Variants in AKT3 observed in about 807,000 individuals in gnomAD.
AKT3 encodes the protein AKT serine/threonine kinase 3.
In AKT3, 15 loss-of-function variants were observed where a neutral mutation model predicts 65.3. That is an observed-to-expected ratio of 0.23 (90% CI 0.15 to 0.35). The LOEUF (loss-of-function observed/expected upper bound fraction) is 0.35, where lower values mean the gene tolerates loss of function less well. Ranked by LOEUF, AKT3 falls within the 10% of genes least tolerant of loss-of-function variation. The probability of loss-of-function intolerance (pLI) is 1.00; values close to 1 mark genes in which losing one functional copy is unlikely to be tolerated. For missense variants in AKT3, 243 were observed against 576.5 expected, an observed-to-expected ratio of 0.42 and a Z score of 5.92; for synonymous variants, 206 against 183.8, an observed-to-expected ratio of 1.12 and a Z score of -0.98.
chr1:243,558,312 A>G (rs1220091363), intron 10 of AKT3, among the ~76,000 whole-genome samples: 3 of 152,026 alleles, frequency 2.0e-5, no homozygotes, highest in Non-Finnish European at 4.4e-5. Context: ...CATGTGTACT[A>G]TGAGCTAACA....
In AKT3 at chr1:243,649,325, G is replaced by A. The variant is rs879674066; in HGVS notation, c.285-3288C>T. ...ATGTTATGTGTATATGTGTGTGTGT[G>A]TGTGTGTGTGTGTGTGTGTGTGTGT... On this transcript the variant is annotated intron_variant, in intron 4 of 13. Transcript: ENST00000673466. 5.6e-3 allele frequency among the ~76,000 whole-genome samples: 802 copies of A among 142,002 alleles called. 6 individuals are homozygous for A. The highest frequency in any genetic ancestry group is 9.6e-3 in the East Asian group (48 of 4,994). 93.2% of individuals were successfully genotyped at this position (142,002 alleles called of 152,430 possible).
intron 8 of AKT3, among the ~76,000 whole-genome samples, chr1:243,593,720 T>C (rs1676399390): frequency 6.6e-6 from 1 of 152,130 alleles, no homozygotes; most frequent in Non-Finnish European, 1.5e-5. Flanking sequence ...ATCACCTCAA[T>C]GGAGGCACAA....
At chr1:243,672,384 A>C (rs1234056112) in intron 3 of AKT3, among the ~76,000 whole-genome samples, 1 of 152,232 alleles carries the variant, frequency 6.6e-6, no homozygotes, top group Non-Finnish European at 1.5e-5. Context: ...CTGCAGACTC[A>C]CATCAATCCA....
At chr1:243,739,668 CT>C (rs1451785754) in intron 2 of AKT3, 2 of 152,266 alleles carry the variant, frequency 1.3e-5, no homozygotes, top group Middle Eastern at 3.4e-3. Context: ...TTTAAAGCCC[CT>C]CAACCACGTC....
intron 8 of AKT3, among the ~76,000 whole-genome samples, chr1:243,574,593 T>C (rs1319711480): frequency 6.6e-6 from 1 of 152,150 alleles, no homozygotes; most frequent in Non-Finnish European, 1.5e-5. Context: ...AATAATCAAA[T>C]ACAGTATGTG....
chr1:243,501,951 A>C lies in AKT3; in HGVS notation c.*3298T>G, dbSNP rs188429522. 1.3e-5 allele frequency: 3 copies of C among 232,784 alleles called. No individual in the cohort carries two copies. Among genetic ancestry groups the C allele is most frequent in the Admixed American group, 5.6e-5 (1 of 17,792 alleles). 14.4% of individuals were successfully genotyped at this position (232,784 alleles called of 1,614,324 possible). A position where few individuals can be genotyped will look rare whatever the true frequency, so the allele number is the denominator to read the frequency against. On this transcript the variant is annotated 3_prime_UTR_variant, in exon 14 of 14. Transcript: ENST00000673466. ...GTTTAGTATGACCAACAGTAATAGT[A>C]ATACAGTTTCTTGGGTTTATAGTTG...
At chr1:243,625,974 TGCCAAG>T (rs1419835858) in intron 6 of AKT3, among the ~76,000 whole-genome samples, 1 of 152,198 alleles carries the variant, frequency 6.6e-6, no homozygotes, top group Non-Finnish European at 1.5e-5. Context: ...CTCCTTTAAA[TGCCAAG>T]TGGCACTCCT....
chr1:243,577,571 AAC>A (rs1283765882), intron 8 of AKT3, among the ~76,000 whole-genome samples: 6 of 152,204 alleles, frequency 3.9e-5, no homozygotes, highest in East Asian at 3.8e-4. Context: ...ACAAATGTAA[AAC>A]CCCAAACTAT....
At position 243,541,173 on chromosome 1, in the gene AKT3, C is replaced by T. The variant is rs529542455; in HGVS notation, c.1251+4337G>A. On this transcript the variant is annotated intron_variant, in intron 12 of 13. Transcript: ENST00000673466. ...GTGAATTCTGAATGAGCAATTTTCA[C>T]TCTGGAGTTCTAATGGTGATTTGAT... Among the ~76,000 whole-genome samples, 13 of 152,276 alleles carry T rather than the reference C, an allele frequency of 8.5e-5. No individual in the cohort carries two copies. The South Asian group carries it at 2.7e-3, about 32-fold the overall frequency.
At chr1:243,698,624 G>A (rs1331741268) in intron 2 of AKT3, among the ~76,000 whole-genome samples, 8 of 151,816 alleles carry the variant, frequency 5.3e-5, no homozygotes, top group Admixed American at 1.3e-4. Context: ...TCCTTCAAAC[G>A]TAATACAGTA....
chr1:243,671,412 A>C (rs945026039), intron 3 of AKT3, among the ~76,000 whole-genome samples: 1 of 152,210 alleles, frequency 6.6e-6, no homozygotes, highest in Non-Finnish European at 1.5e-5. Context: ...ACATAATGAA[A>C]TAATGCTGGC....
chr1:243,502,169 TA>T lies in AKT3; in HGVS notation c.*3079del, dbSNP rs1335222125. 1 of 231,592 alleles carries T rather than the reference TA, an allele frequency of 4.3e-6. No individual in the cohort carries two copies. The highest frequency in any genetic ancestry group is 2.2e-5 in the African/African-American group (1 of 45,254). 14.3% of individuals were successfully genotyped at this position (231,592 alleles called of 1,614,324 possible). A position where few individuals can be genotyped will look rare whatever the true frequency, so the allele number is the denominator to read the frequency against. Reference sequence around the variant, plus strand: ...CTGTAATGCACTACCAGGAGCAAGATAAGGAAATTCTACTGTAGACAGTACA... The same window carrying T: ...CTGTAATGCACTACCAGGAGCAAGATAGGAAATTCTACTGTAGACAGTACA... On this transcript the variant is annotated 3_prime_UTR_variant, in exon 14 of 14. Transcript: ENST00000673466.
chr1:243,679,337 T>C (rs1683756778), intron 3 of AKT3, among the ~76,000 whole-genome samples: 1 of 152,220 alleles, frequency 6.6e-6, no homozygotes, highest in African/African-American at 2.4e-5. Context: ...TCAACTGTAT[T>C]TCACTTTCTA....
intron 2 of AKT3, among the ~76,000 whole-genome samples, chr1:243,734,644 A>C (rs1336272176): frequency 6.6e-6 from 1 of 152,202 alleles, no homozygotes; most frequent in Non-Finnish European, 1.5e-5. Flanking sequence ...CTGGTGAGTG[A>C]ATATGAAGGT....
intron 2 of AKT3, among the ~76,000 whole-genome samples, chr1:243,784,412 G>C (rs1691115495): frequency 6.6e-6 from 1 of 151,748 alleles, no homozygotes; most frequent in Admixed American, 6.6e-5. Context: ...TATAAAATTG[G>C]GGGAACAGCC....
chr1:243,682,172 T>TTAA (rs1433509731), intron 3 of AKT3, among the ~76,000 whole-genome samples: 1 of 152,014 alleles, frequency 6.6e-6, no homozygotes, highest in Non-Finnish European at 1.5e-5. Flanking sequence ...ATCTATACGT[T>TTAA]TAATAAGGTC....
chr1:243,747,340 T>G (rs2148196516), intron 2 of AKT3, among the ~76,000 whole-genome samples: 1 of 152,314 alleles, frequency 6.6e-6, no homozygotes, highest in Middle Eastern at 3.4e-3. Context: ...ATTTGAGAAT[T>G]AAAAGGGAAT....
chr1:243,575,536 A>G (rs901890352), intron 8 of AKT3, among the ~76,000 whole-genome samples: 3 of 152,156 alleles, frequency 2.0e-5, no homozygotes, highest in African/African-American at 2.4e-5. Context: ...ACAAAAGACA[A>G]TTCCTGCCAT....
chr1:243,737,746 T>C (rs1160863309), intron 2 of AKT3, among the ~76,000 whole-genome samples: 1 of 152,194 alleles, frequency 6.6e-6, no homozygotes, highest in Non-Finnish European at 1.5e-5. Context: ...AGTCATTGGA[T>C]GGCAATGATT....
Sources: gnomAD v4.1 joint callset for allele counts (sites outside exome capture counted in the v4.1 genomes callset) on GRCh38, gnomAD v4.1.1 for gene constraint, MANE v1.5 for transcripts, NCBI Gene and HGNC (gene_info 2026-07-23, HGNC 2026-07-21) for gene names.